Variants in KPNA3 observed in about 807,000 individuals in gnomAD.
KPNA3 encodes the protein karyopherin subunit alpha 3.
A neutral mutation model predicts 73.8 loss-of-function variants in KPNA3; 13 were observed. That is an observed-to-expected ratio of 0.18 (90% CI 0.11 to 0.28). The LOEUF (loss-of-function observed/expected upper bound fraction) is 0.28. KPNA3 is among the 10% of genes least tolerant of loss of function. The pLI is 1.00. For missense variants in KPNA3, 360 were observed against 618.1 expected, an observed-to-expected ratio of 0.58 and a Z score of 4.43; for synonymous variants, 186 against 206.9, an observed-to-expected ratio of 0.90 and a Z score of 0.87.
At chr13:49,714,409 T>C (rs1954287138) in intron 10 of KPNA3, among the ~76,000 whole-genome samples, 2 of 151,924 alleles carry the variant, frequency 1.3e-5, no homozygotes, top group Non-Finnish European at 2.9e-5. Context: ...AATAATAAAT[T>C]AGAACAAAAA....
chr13:49,791,069 G>C (rs1955029009), intron 1 of KPNA3, among the ~76,000 whole-genome samples: 1 of 152,158 alleles, frequency 6.6e-6, no homozygotes, highest in South Asian at 2.1e-4. Context: ...AAGAATATAT[G>C]ATCTTTATTT....
chr13:49,755,182 T>C (rs937232527), intron 1 of KPNA3, among the ~76,000 whole-genome samples: 2 of 152,186 alleles, frequency 1.3e-5, no homozygotes, highest in Non-Finnish European at 2.9e-5. Context: ...TTCATTCTAG[T>C]GATACAAGGC....
At chr13:49,784,248 T>TA (rs891145314) in intron 1 of KPNA3, among the ~76,000 whole-genome samples, 18 of 151,966 alleles carry the variant, frequency 1.2e-4, no homozygotes, top group South Asian at 2.1e-4. Context: ...AATTTTTTTT[T>TA]AAAAAAACTT....
chr13:49,765,755 A>C (rs1230852198), intron 1 of KPNA3, among the ~76,000 whole-genome samples: 2 of 152,234 alleles, frequency 1.3e-5, no homozygotes, highest in African/African-American at 4.8e-5. Flanking sequence ...TATAGATTTG[A>C]AAATGCTGAC....
In KPNA3 at chr13:49,779,032, C is replaced by T. The variant is rs1246151703; in HGVS notation, c.69+13406G>A. On this transcript the variant is annotated intron_variant, in intron 1 of 16. Transcript: ENST00000261667. ...GACAACATTCATTATTTTTCTACGC[C>T]TTAAATTTTCACATCTGTGAAAAAG... Among the ~76,000 whole-genome samples the T allele has an allele frequency of 2.6e-5, 4 of 152,042 alleles. No homozygotes were observed. In the East Asian group the frequency reaches 7.7e-4, roughly 29 times the overall value.
chr13:49,728,417 G>A (rs1010648007), intron 6 of KPNA3, among the ~76,000 whole-genome samples: 1 of 152,134 alleles, frequency 6.6e-6, no homozygotes, highest in African/African-American at 2.4e-5. Flanking sequence ...ACAAAATTAT[G>A]ACTGAAAAAT....
intron 15 of KPNA3, 32 bp from the exon 16 acceptor site, chr13:49,702,512 T>C (rs977082703): frequency 8.4e-7 from 1 of 1,188,902 alleles, no homozygotes; most frequent in East Asian, 2.4e-5. Flanking sequence ...AAATAACTGG[T>C]TAATTGATAA....
At chr13:49,721,874 T>G in intron 9 of KPNA3, 81 bp downstream of exon 9, 6 of 934,486 alleles carry the variant, frequency 6.4e-6, no homozygotes, top group Non-Finnish European at 7.7e-6. Context: ...GTATATGTAT[T>G]ATTTTGTCCC....
chr13:49,731,593 T>C (rs74076208), intron 6 of KPNA3, among the ~76,000 whole-genome samples: 1,830 of 152,264 alleles, frequency 0.012, 36 homozygotes, highest in African/African-American at 0.042. Context: ...TATTCTTATC[T>C]AGCCAACTGA....
At chr13:49,740,838 T>C (rs1799388855) in intron 2 of KPNA3, among the ~76,000 whole-genome samples, 1 of 152,048 alleles carries the variant, frequency 6.6e-6, no homozygotes, top group Admixed American at 6.5e-5. Context: ...CAGCCCCTGG[T>C]AACCACCATC....
At chr13:49,719,110 G>C (rs1954331826) in intron 10 of KPNA3, among the ~76,000 whole-genome samples, 1 of 152,044 alleles carries the variant, frequency 6.6e-6, no homozygotes, top group African/African-American at 2.4e-5. Flanking sequence ...CTGCATTTAG[G>C]AGAATTTTCA....
intron 1 of KPNA3, among the ~76,000 whole-genome samples, chr13:49,775,907 C>A (rs1954894807): frequency 6.6e-6 from 1 of 152,150 alleles, no homozygotes; most frequent in Non-Finnish European, 1.5e-5. Context: ...TACTTTCTCC[C>A]TCTGTATTCC....
At chr13:49,749,524 T>C (rs995665059) in intron 1 of KPNA3, among the ~76,000 whole-genome samples, 23 of 152,152 alleles carry the variant, frequency 1.5e-4, no homozygotes, top group Non-Finnish European at 1.3e-4. Flanking sequence ...TGATCCTGTG[T>C]TCCATCCCTT....
At chr13:49,772,836 T>C (rs1325370168) in intron 1 of KPNA3, among the ~76,000 whole-genome samples, 3 of 152,142 alleles carry the variant, frequency 2.0e-5, no homozygotes, top group African/African-American at 2.4e-5. Flanking sequence ...TACACACTTA[T>C]ATGACCCAGC....
chr13:49,768,567 A>ATTT (rs67753113), intron 1 of KPNA3, among the ~76,000 whole-genome samples: 3 of 64,894 alleles, frequency 4.6e-5, no homozygotes, highest in African/African-American at 6.2e-5. Flanking sequence ...GGGTTAATCA[A>ATTT]TTTTTTTTTT....
At chr13:49,775,136 T>TC (rs1357837596) in intron 1 of KPNA3, among the ~76,000 whole-genome samples, 1 of 116,938 alleles carries the variant, frequency 8.6e-6, no homozygotes, top group Non-Finnish European at 1.6e-5. Context: ...GTGAGTGCAC[T>TC]CAGACGACAG....
intron 6 of KPNA3, among the ~76,000 whole-genome samples, chr13:49,730,247 C>A (rs188308734): frequency 3.0e-4 from 46 of 152,004 alleles, no homozygotes; most frequent in Non-Finnish European, 1.5e-5. Context: ...AACAAGGGGC[C>A]CTAGGCCGGG....
intron 1 of KPNA3, among the ~76,000 whole-genome samples, chr13:49,768,779 T>C (rs1954830280): frequency 6.6e-6 from 1 of 152,152 alleles, no homozygotes; most frequent in African/African-American, 2.4e-5. Context: ...ATGCCACCAC[T>C]GCATGCATAG....
At chr13:49,714,163 AAC>A (rs1444248854) in intron 10 of KPNA3, among the ~76,000 whole-genome samples, 1 of 152,242 alleles carries the variant, frequency 6.6e-6, no homozygotes, top group African/African-American at 2.4e-5. Context: ...GTGAGTGAAC[AAC>A]AGTGTAAACT....
Sources: gnomAD v4.1 joint callset for allele counts (sites outside exome capture counted in the v4.1 genomes callset) on GRCh38, gnomAD v4.1.1 for gene constraint, MANE v1.5 for transcripts, NCBI Gene and HGNC (gene_info 2026-07-23, HGNC 2026-07-21) for gene names.